ANKRD12: variants seen among roughly 807,000 people sequenced by gnomAD.
The protein encoded by ANKRD12 is ankyrin repeat domain-containing protein 12.
Under a neutral mutation model 183.4 loss-of-function variants are expected in ANKRD12, and 85 were observed. The ratio of observed to expected loss-of-function variants is 0.46; its 90% confidence interval spans 0.39 to 0.56. The LOEUF (loss-of-function observed/expected upper bound fraction) is 0.56. ANKRD12 is among the 20% of genes least tolerant of loss of function. The pLI, the probability that ANKRD12 is intolerant of heterozygous loss-of-function variation, is 0.00. For synonymous variants in ANKRD12, 914 were observed against 800.2 expected (o/e 1.14, Z -2.40); for missense variants, 2,405 against 2,357.1 (o/e 1.02, Z -0.42).
intron 1 of ANKRD12, among the ~76,000 whole-genome samples, chr18:9,147,468 A>G (rs2078530594): frequency 6.6e-6 from 1 of 152,178 alleles, no homozygotes; most frequent in African/African-American, 2.4e-5. Context: ...ATTTATTTAG[A>G]ATATTTTAGA....
Position 9,258,104 on chromosome 18 carries a change from T to C in ANKRD12, c.4837T>C (p.Ser1613Pro). ...HYAFSKLTYK[S>P]SSGHEVENST... ...TGCATTTAGCAAACTAACTTACAAG[T>C]CTTCCAGTGGCCATGAAGTTGAGAA... is the stretch of plus-strand genomic sequence containing the variant. Residue 1613 changes from serine to proline, a missense_variant, in exon 9 of 13, where the codon TCT becomes CCT. Transcript: ENST00000262126. 2 of 1,613,452 alleles carry C rather than the reference T, an allele frequency of 1.2e-6. No homozygotes were observed. Among genetic ancestry groups the C allele is most frequent in the Non-Finnish European group, 1.7e-6 (2 of 1,179,970 alleles).
chr18:9,257,415 C>G lies in ANKRD12; in HGVS notation c.4148C>G (p.Ser1383Ter). 6.2e-7 allele frequency: 1 copy of G among 1,614,108 alleles called. No homozygotes were observed. The highest frequency in any genetic ancestry group is 8.5e-7 in the Non-Finnish European group (1 of 1,180,010). ...GGAGCTTCAAACAGCAAGTATGTTT[C>G]AGCTGATAGAAATCTCATCAAGAAT... is the stretch of plus-strand genomic sequence containing the variant. ...PTGASNSKYV[S>*]ADRNLIKNTA... Residue 1383 changes from serine (S) to a stop codon, truncating the protein, a stop_gained, in exon 9 of 13, where the codon TCA becomes TGA. Coordinates refer to ENST00000262126, the MANE Select transcript of ANKRD12 (RefSeq NM_015208.5). LOFTEE classifies it high-confidence loss of function.
In ANKRD12 at chr18:9,283,890, A is replaced by G. The variant is rs541367962; in HGVS notation, c.*2764A>G. The stretch of plus-strand genomic sequence containing the variant: ...GAATTAGCCTTTCAAGTTCAAATCT[A>G]TTTAATAATGAGAAGTCTCACAAGT... On this transcript the variant is annotated 3_prime_UTR_variant, in exon 13 of 13. Coordinates refer to ENST00000262126, the MANE Select transcript of ANKRD12 (RefSeq NM_015208.5). The G allele has an allele frequency of 6.6e-5, 10 of 152,478 alleles. No individual in the cohort carries two copies. The South Asian group carries it at 1.9e-3, about 28-fold the overall frequency. 9.4% of individuals were successfully genotyped at this position (152,478 alleles called of 1,614,324 possible). A position where few individuals can be genotyped will look rare whatever the true frequency, so the allele number is the denominator to read the frequency against.
chr18:9,275,075 T>TA (rs1263630171), intron 10 of ANKRD12, among the ~76,000 whole-genome samples: 1 of 152,054 alleles, frequency 6.6e-6, no homozygotes, highest in Non-Finnish European at 1.5e-5. Context: ...CCTATAGTAC[T>TA]AGCTACTCAG....
At chr18:9,164,344 C>T (rs1461844461) in intron 1 of ANKRD12, among the ~76,000 whole-genome samples, 1 of 152,076 alleles carries the variant, frequency 6.6e-6, no homozygotes, top group Non-Finnish European at 1.5e-5. Context: ...GTATGTTGAA[C>T]CAACCTTGCA....
At chr18:9,273,111 C>A (rs2039683572) in intron 10 of ANKRD12, among the ~76,000 whole-genome samples, 1 of 152,138 alleles carries the variant, frequency 6.6e-6, no homozygotes, top group African/African-American at 2.4e-5. Context: ...TTCTAGCTAG[C>A]TACAGGTCCC....
In ANKRD12 at chr18:9,258,464, C is replaced by G. The variant is rs1205053369; in HGVS notation, c.5197C>G (p.Gln1733Glu). ...EDDKTENQIP[Q>E]RMTRNKANTM... ...TGATAAAACTGAAAACCAAATCCCT[C>G]AAAGAATGACTAGAAACAAAGCAAA... Residue 1733 changes from glutamine (Q) to glutamate (E), a missense_variant, in exon 9 of 13, where the codon CAA becomes GAA. Around this residue, in one of 7 missense-constraint regions of ANKRD12, gnomAD observed 1,983 missense variants for 1,725.9 expected, o/e 1.15. Transcript: ENST00000262126. 1 of 1,613,582 alleles carries G rather than the reference C, an allele frequency of 6.2e-7. No individual in the cohort carries two copies. The highest frequency in any genetic ancestry group is 8.5e-7 in the Non-Finnish European group (1 of 1,179,940).
intron 10 of ANKRD12, among the ~76,000 whole-genome samples, chr18:9,274,745 A>G (rs925969889): frequency 6.6e-6 from 1 of 152,188 alleles, no homozygotes; most frequent in Admixed American, 6.5e-5. Flanking sequence ...TACTTTTGGA[A>G]CACTGGGAGT....
At chr18:9,202,566 T>G (rs1417850128) in intron 3 of ANKRD12, among the ~76,000 whole-genome samples, 1 of 152,208 alleles carries the variant, frequency 6.6e-6, no homozygotes, top group East Asian at 1.9e-4. Context: ...TCTTATTTCC[T>G]TGCAACCCAA....
chr18:9,228,739 C>T (rs2036868258), intron 8 of ANKRD12, among the ~76,000 whole-genome samples: 1 of 152,008 alleles, frequency 6.6e-6, no homozygotes, highest in African/African-American at 2.4e-5. Context: ...GAGTAATTTG[C>T]AAATATTTTC....
intron 3 of ANKRD12, among the ~76,000 whole-genome samples, chr18:9,204,213 T>A (rs1369816388): frequency 6.6e-6 from 1 of 152,260 alleles, no homozygotes; most frequent in East Asian, 1.9e-4. Context: ...TGTGTTTTAA[T>A]ATATAACATC....
At chr18:9,237,481 G>T (rs116063354) in intron 8 of ANKRD12, among the ~76,000 whole-genome samples, 1,958 of 152,128 alleles carry the variant, frequency 0.013, 48 homozygotes, top group African/African-American at 0.045. Flanking sequence ...CTTTTTAGGG[G>T]CAAAAAATAT....
chr18:9,279,621 G>T lies in ANKRD12; in HGVS notation c.5980G>T (p.Asp1994Tyr), dbSNP rs1235963915. 1.2e-6 allele frequency: 2 copies of T among 1,603,448 alleles called. No homozygotes were observed. Among genetic ancestry groups the T allele is most frequent in the Admixed American group, 3.4e-5 (2 of 58,080 alleles). ...RQFMSWLQDV[D>Y]DKFDKLKTCL... Reference sequence around the variant, plus strand: ...ATTCATGTCTTGGTTACAAGATGTGGATGATAAATTTGACAAATTAAAGGT... The same window carrying T: ...ATTCATGTCTTGGTTACAAGATGTGTATGATAAATTTGACAAATTAAAGGT... Residue 1994 changes from aspartate (D) to tyrosine (Y), a missense_variant, in exon 12 of 13, where the codon GAT becomes TAT. Around this residue, in one of 7 missense-constraint regions of ANKRD12, gnomAD observed 162 missense variants for 272.2 expected, o/e 0.60. Transcript: ENST00000262126.
At chr18:9,163,208 T>C (rs1001649687) in intron 1 of ANKRD12, among the ~76,000 whole-genome samples, 1 of 152,242 alleles carries the variant, frequency 6.6e-6, no homozygotes, top group Non-Finnish European at 1.5e-5. Flanking sequence ...CATCTTGAGA[T>C]AATTTTTGTA....
intron 5 of ANKRD12, among the ~76,000 whole-genome samples, chr18:9,209,208 A>G (rs578063439): frequency 1.3e-5 from 2 of 152,364 alleles, no homozygotes; most frequent in Admixed American, 6.5e-5. Flanking sequence ...CCAGCAGGAC[A>G]AAAACAAAAA....
rs2035627692 is a variant in ANKRD12, at chr18:9,208,897, T to C, written c.451+94T>C. ...ACAATTATTTTAACTACTTTTAATT[T>C]TTATTCTTTCTTGGATTTAATCAGA... is the stretch of plus-strand genomic sequence containing the variant. On this transcript the variant is annotated intron_variant, in intron 5 of 12. Coordinates refer to ENST00000262126, the MANE Select transcript of ANKRD12 (RefSeq NM_015208.5). 3.3e-6 allele frequency: 4 copies of C among 1,215,288 alleles called. No homozygotes were observed. The South Asian group carries it at 8.8e-5, about 27-fold the overall frequency. 75.3% of individuals were successfully genotyped at this position (1,215,288 alleles called of 1,614,324 possible). A position where few individuals can be genotyped will look rare whatever the true frequency, so the allele number is the denominator to read the frequency against.
chr18:9,160,360 A>G (rs2031237288), intron 1 of ANKRD12, among the ~76,000 whole-genome samples: 1 of 152,188 alleles, frequency 6.6e-6, no homozygotes, highest in Non-Finnish European at 1.5e-5. Context: ...TGATCCTCCT[A>G]CCTTGGGCTT....
intron 8 of ANKRD12, among the ~76,000 whole-genome samples, chr18:9,234,659 G>A (rs2037240583): frequency 6.6e-6 from 1 of 152,094 alleles, no homozygotes; most frequent in South Asian, 2.1e-4. Flanking sequence ...TGGTTCCCAG[G>A]GCAGGATGAA....
At chr18:9,199,410 A>C (rs1212919487) in intron 3 of ANKRD12, among the ~76,000 whole-genome samples, 1 of 152,248 alleles carries the variant, frequency 6.6e-6, no homozygotes, top group Non-Finnish European at 1.5e-5. Context: ...CATGATGTAT[A>C]TTAACACATG....
Sources: allele counts gnomAD v4.1 joint callset (sites outside exome capture counted in the v4.1 genomes callset), GRCh38; gene constraint gnomAD v4.1.1; regional missense constraint gnomAD v4.1.1; transcripts MANE v1.5; gene names NCBI Gene and HGNC (gene_info 2026-07-23, HGNC 2026-07-21).